Variants in SPTLC1 observed in about 807,000 individuals in gnomAD.
SPTLC1 encodes serine palmitoyltransferase 1.
In SPTLC1, 55 loss-of-function variants were observed where a neutral mutation model predicts 68.9. The ratio of observed to expected loss-of-function variants is 0.80; its 90% CI spans 0.64 to 1.00. SPTLC1 has a LOEUF of 1.00. Ranked by LOEUF, SPTLC1 falls within the 50% of genes least tolerant of loss-of-function variation. The pLI, the probability that SPTLC1 is intolerant of heterozygous loss-of-function variation, is 0.00. For missense variants in SPTLC1, 449 were observed against 573.1 expected (o/e 0.78, Z 2.21); for synonymous variants, 197 against 201.6 (o/e 0.98, Z 0.19).
Position 92,071,268 on chromosome 9 carries a change from C to T in SPTLC1, c.428-3170G>A, listed in dbSNP as rs536506666. ...AAAAAAAATTAGTTGGGCATGGTGG[C>T]GCATGCCTGTAATCCCAGCTACCTG... On this transcript the variant is annotated intron_variant, in intron 5 of 14. Transcript: ENST00000262554. Among the ~76,000 whole-genome samples the T allele has an allele frequency of 2.0e-4, 30 of 150,326 alleles. No individual in the cohort carries two copies. The South Asian group carries it at 6.1e-3, about 31-fold the overall frequency.
intron 5 of SPTLC1, 85 bp downstream of exon 5, chr9:92,079,931 C>G: frequency 8.7e-7 from 1 of 1,152,952 alleles, no homozygotes. Context: ...GCTGGGAGTA[C>G]AGGTGTGAGC....
chr9:92,098,693 T>C (rs1835632574), intron 3 of SPTLC1, among the ~76,000 whole-genome samples: 1 of 148,708 alleles, frequency 6.7e-6, no homozygotes, highest in African/African-American at 2.6e-5. Context: ...TTTTAAGATG[T>C]GTAGGTTTCA....
chr9:92,110,718 T>G (rs764607787), intron 2 of SPTLC1: 2 of 152,174 alleles, frequency 1.3e-5, no homozygotes, highest in Non-Finnish European at 2.9e-5. Flanking sequence ...CACTCATAAT[T>G]TTAAACATGC....
chr9:92,055,921 A>C (rs1398472371), intron 7 of SPTLC1, among the ~76,000 whole-genome samples: 1 of 152,222 alleles, frequency 6.6e-6, no homozygotes, highest in African/African-American at 2.4e-5. Flanking sequence ...TGTCAATTTT[A>C]CCCAAAACAA....
intron 3 of SPTLC1, among the ~76,000 whole-genome samples, chr9:92,104,177 C>T (rs1314491212): frequency 6.6e-6 from 1 of 152,192 alleles, no homozygotes; most frequent in African/African-American, 2.4e-5. Flanking sequence ...CCCTTAGTTT[C>T]GTCTGTGCAC....
chr9:92,112,474 C>A lies in SPTLC1; in HGVS notation c.146G>T (p.Arg49Leu). The A allele has an allele frequency of 6.2e-7, 1 of 1,605,232 alleles. No individual in the cohort carries two copies. Among genetic ancestry groups the A allele is most frequent in the Non-Finnish European group, 8.5e-7 (1 of 1,173,862 alleles). ...LFSKTYKLQERSDLTVKEKEE... is the reference protein window; with the variant it reads ...LFSKTYKLQELSDLTVKEKEE... The stretch of plus-strand genomic sequence containing the variant: ...TCGTACCTTGACTGTAAGATCAGAT[C>A]GTTCTTGTAATTTGTAAGTCTTAGA... Residue 49 changes from arginine to leucine, a missense_variant, in exon 2 of 15, where the codon CGA becomes CTA. Physicochemically the swap from Arg to Leu is moderately radical, Grantham distance 102. Transcript: ENST00000262554.
chr9:92,104,940 G>A lies in SPTLC1; in HGVS notation c.260+3800C>T, dbSNP rs567471567. On this transcript the variant is annotated intron_variant, in intron 3 of 14. Transcript: ENST00000262554. ...GTCGCCAGTTCACACAGCCCTGTTGGAGGCATCCTTCCCTTTGGGAAGCCT... is the reference window on the plus strand; with the variant it reads ...GTCGCCAGTTCACACAGCCCTGTTGAAGGCATCCTTCCCTTTGGGAAGCCT... 41 of 1,534,468 alleles carry A rather than the reference G, an allele frequency of 2.7e-5. No homozygotes were observed. In the South Asian group the frequency reaches 4.5e-4, roughly 17 times the overall value.
At chr9:92,104,521 G>A in intron 3 of SPTLC1, 2 of 1,419,626 alleles carry the variant, frequency 1.4e-6, no homozygotes, top group Non-Finnish European at 9.6e-7. Flanking sequence ...AACCCGTGCT[G>A]TCTGCTCGCA....
At chr9:92,066,905 G>A (rs186250481) in intron 6 of SPTLC1, among the ~76,000 whole-genome samples, 116 of 152,130 alleles carry the variant, frequency 7.6e-4, no homozygotes, top group African/African-American at 2.7e-3. Context: ...GCTTGAACCC[G>A]GGAGGCGGAG....
intron 3 of SPTLC1, among the ~76,000 whole-genome samples, chr9:92,106,261 A>G (rs1420458552): frequency 6.6e-6 from 1 of 152,130 alleles, no homozygotes; most frequent in African/African-American, 2.4e-5. Context: ...TTAATTAAAA[A>G]AAAGGAGATT....
chr9:92,058,704 T>C (rs1833979319), intron 7 of SPTLC1, among the ~76,000 whole-genome samples: 1 of 152,214 alleles, frequency 6.6e-6, no homozygotes, highest in Admixed American at 6.5e-5. Flanking sequence ...CAGAGCAGGA[T>C]ACAGGTGGGG....
Position 92,032,218 on chromosome 9 carries a change from G to T in SPTLC1, c.*247C>A. On this transcript the variant is annotated 3_prime_UTR_variant, in exon 15 of 15. Transcript: ENST00000262554. ...TACTAAATGCACAATTTAAACATCA[G>T]TTATACACTGTCATTAGTTTTCCTC... 1 of 1,381,506 alleles carries T rather than the reference G, an allele frequency of 7.2e-7. No individual in the cohort carries two copies. Among genetic ancestry groups the T allele is most frequent in the Non-Finnish European group, 9.7e-7 (1 of 1,028,792 alleles). 85.6% of individuals were successfully genotyped at this position (1,381,506 alleles called of 1,614,324 possible). A position where few individuals can be genotyped will look rare whatever the true frequency, so the allele number is the denominator to read the frequency against.
At chr9:92,055,152 G>C in intron 8 of SPTLC1, 1 of 853,234 alleles carries the variant, frequency 1.2e-6, no homozygotes, top group Non-Finnish European at 1.4e-6. Flanking sequence ...CTTGAGCCCA[G>C]GAGGGTAAGG....
chr9:92,078,457 T>TATC, intron 5 of SPTLC1, among the ~76,000 whole-genome samples: 1 of 152,290 alleles, frequency 6.6e-6, no homozygotes, highest in Admixed American at 6.5e-5. Flanking sequence ...ACTTGGTTTA[T>TATC]ATTATTATTA....
chr9:92,064,142 G>C (rs901083304), intron 6 of SPTLC1, among the ~76,000 whole-genome samples: 12 of 152,276 alleles, frequency 7.9e-5, no homozygotes, highest in Admixed American at 7.9e-4. Flanking sequence ...AAGTGAGTTT[G>C]GCAAGGTTGC....
intron 2 of SPTLC1, chr9:92,109,194 T>C (rs1836128411): frequency 2.5e-5 from 5 of 199,602 alleles, no homozygotes; most frequent in Admixed American, 1.6e-4. Flanking sequence ...TGACGTGATA[T>C]TGTCCGAGAA....
In SPTLC1 at chr9:92,046,161, A is replaced by C. The variant is rs1255602414; in HGVS notation, c.1082-108T>G. ...AGTTCATCAATTTAAAATGCTACAAATCCTTCTACATACTAACAGAGCCAA... is the reference window on the plus strand; with the variant it reads ...AGTTCATCAATTTAAAATGCTACAACTCCTTCTACATACTAACAGAGCCAA... On this transcript the variant is annotated intron_variant, in intron 11 of 14. Transcript: ENST00000262554. 5.3e-6 allele frequency: 5 copies of C among 936,344 alleles called. No individual in the cohort carries two copies. The African/African-American group carries it at 8.2e-5, about 15-fold the overall frequency. 58.0% of individuals were successfully genotyped at this position (936,344 alleles called of 1,614,324 possible).
intron 3 of SPTLC1, among the ~76,000 whole-genome samples, chr9:92,099,310 C>A (rs1458632918): frequency 6.6e-6 from 1 of 152,170 alleles, no homozygotes; most frequent in Non-Finnish European, 1.5e-5. Context: ...ATGACAGGAG[C>A]TATTCCAGGC....
chr9:92,086,482 T>C lies in SPTLC1; in HGVS notation c.261-5519A>G, dbSNP rs1438644969. On this transcript the variant is annotated intron_variant, in intron 3 of 14. Transcript: ENST00000262554. The stretch of plus-strand genomic sequence containing the variant: ...GCATTTGCTTGTCTGTAAAGTATTT[T>C]ATTTCTCCTTCACTTACGAAGCTTA... Among the ~76,000 whole-genome samples the C allele has an allele frequency of 3.3e-5, 5 of 152,314 alleles. No homozygotes were observed. The East Asian group carries it at 9.7e-4, about 29-fold the overall frequency.
Sources: gnomAD v4.1 joint callset for allele counts (sites outside exome capture counted in the v4.1 genomes callset) on GRCh38, gnomAD v4.1.1 for gene constraint, MANE v1.5 for transcripts, NCBI Gene and HGNC (gene_info 2026-07-23, HGNC 2026-07-21) for gene names.